Variants in RBBP5 observed in about 807,000 individuals in gnomAD.
The protein encoded by RBBP5 is retinoblastoma-binding protein 5.
In RBBP5, 5 loss-of-function variants were observed where a neutral mutation model predicts 72.2. That is an observed-to-expected ratio of 0.07 (90% CI 0.04 to 0.15). RBBP5 has a LOEUF of 0.15. Ranked by LOEUF, RBBP5 falls within the 10% of genes least tolerant of loss-of-function variation. RBBP5 has a pLI of 1.00. For missense variants in RBBP5, 322 were observed against 652.2 expected (o/e 0.49, Z 5.51); for synonymous variants, 209 against 237.2 (o/e 0.88, Z 1.09).
chr1:205,114,208 C>G lies in RBBP5; in HGVS notation c.218+581G>C, dbSNP rs754665148. On this transcript the variant is annotated intron_variant, in intron 3 of 13. Transcript: ENST00000264515. Reference sequence around the variant, plus strand: ...TTAGACAAAAGGAGATAGACTTAACCTTGATCTGATTAGGTCCTTTTGTTG... The same window carrying G: ...TTAGACAAAAGGAGATAGACTTAACGTTGATCTGATTAGGTCCTTTTGTTG... 7.9e-4 allele frequency among the ~76,000 whole-genome samples: 121 copies of G among 152,272 alleles called. No homozygotes were observed. The Middle Eastern group carries it at 0.01, about 13-fold the overall frequency.
At chr1:205,115,964 T>A (rs146967336) in intron 1 of RBBP5, 81 bp from the exon 2 acceptor site, 1 of 1,612,752 alleles carries the variant, frequency 6.2e-7, no homozygotes. Flanking sequence ...TGTATAGCAG[T>A]GGCTGACAAA....
chr1:205,115,576 C>G (rs1237186443), intron 2 of RBBP5, among the ~76,000 whole-genome samples: 2 of 152,158 alleles, frequency 1.3e-5, no homozygotes, highest in Non-Finnish European at 2.9e-5. Flanking sequence ...AAGCACAAAC[C>G]TATGATGGTG....
At chr1:205,107,445 G>C (rs927613218) in intron 3 of RBBP5, among the ~76,000 whole-genome samples, 4 of 152,110 alleles carry the variant, frequency 2.6e-5, no homozygotes, top group African/African-American at 9.7e-5. Flanking sequence ...AAACCATGAA[G>C]GCCAGAAGGA....
intron 10 of RBBP5, 132 bp from the exon 11 acceptor site, chr1:205,097,527 T>C: frequency 1.2e-6 from 1 of 846,378 alleles, no homozygotes; most frequent in South Asian, 1.6e-5. Flanking sequence ...CTTCACTTAA[T>C]CATTTAACAA....
intron 12 of RBBP5, among the ~76,000 whole-genome samples, chr1:205,095,810 CCAAACAGTGTCT>C (rs1655589522): frequency 6.6e-6 from 1 of 152,112 alleles, no homozygotes; most frequent in Admixed American, 6.6e-5. Flanking sequence ...GGTACATATA[CCAAACAGTGTCT>C]GAAACAGAGT....
At chr1:205,109,816 C>A (rs1395200083) in intron 3 of RBBP5, among the ~76,000 whole-genome samples, 1 of 152,080 alleles carries the variant, frequency 6.6e-6, no homozygotes, top group Admixed American at 6.5e-5. Flanking sequence ...TTCCAATGTG[C>A]TAAAGTCTAC....
Position 205,099,886 on chromosome 1 carries a change from A to G in RBBP5, c.906+25T>C. 1 of 1,613,824 alleles carries G rather than the reference A, an allele frequency of 6.2e-7. No individual in the cohort carries two copies. The highest frequency in any genetic ancestry group is 8.5e-7 in the Non-Finnish European group (1 of 1,179,736). ...AGATTTTTTGGATTATGTGACTAAC[A>G]AAAGCAATGTCCTAATGTACTCACA... On this transcript the variant is annotated intron_variant, in intron 8 of 13. Coordinates refer to ENST00000264515, the MANE Select transcript of RBBP5 (RefSeq NM_005057.4). This position sits in a 1 kb window ranked among gnomAD's most constrained non-coding sequence, Gnocchi z 4.7.
intron 6 of RBBP5, 58 bp from the exon 7 acceptor site, chr1:205,100,329 C>T: frequency 6.4e-7 from 1 of 1,571,700 alleles, no homozygotes; most frequent in Non-Finnish European, 8.6e-7. Context: ...CTTAGTACTA[C>T]AAAACGACTA....
intron 13 of RBBP5, among the ~76,000 whole-genome samples, chr1:205,092,862 G>A (rs1485829565): frequency 2.0e-5 from 3 of 152,318 alleles, no homozygotes; most frequent in East Asian, 3.9e-4. Context: ...AATTACAGGC[G>A]TGAGCCTTAT....
At chr1:205,098,382 T>C (rs1437284653) in intron 10 of RBBP5, among the ~76,000 whole-genome samples, 2 of 152,174 alleles carry the variant, frequency 1.3e-5, no homozygotes, top group Non-Finnish European at 2.9e-5. Context: ...TGCATGTATG[T>C]CCTCACTTAG....
chr1:205,115,661 T>C lies in RBBP5; in HGVS notation c.45+197A>G, dbSNP rs151307065. 3.6e-3 allele frequency among the ~76,000 whole-genome samples: 555 copies of C among 152,342 alleles called. 3 individuals carry two copies. Among genetic ancestry groups the C allele is most frequent in the African/African-American group, 0.013 (533 of 41,586 alleles). On this transcript the variant is annotated intron_variant, in intron 2 of 13. Transcript: ENST00000264515. ...AATGAACTGTAAGATTACAACATCA[T>C]GGTAAGATTTCTAGCCCACATTGCC...
At chr1:205,092,698 G>A (rs891513039) in intron 13 of RBBP5, among the ~76,000 whole-genome samples, 1 of 151,634 alleles carries the variant, frequency 6.6e-6, no homozygotes, top group African/African-American at 2.4e-5. Context: ...TCAAAGTGCT[G>A]GGATTATAGG....
rs1224734542 is a variant in RBBP5 at position 205,087,600 on chromosome 1, G to A, written c.*1187C>T. 2 of 145,266 alleles carry A rather than the reference G, an allele frequency of 1.4e-5. No homozygotes were observed. The highest frequency in any genetic ancestry group is 5.1e-5 in the African/African-American group (2 of 39,074). The allele number at this position is 145,266 out of a possible 1,614,324, so 9.0% of individuals were successfully genotyped here. A position where few individuals can be genotyped will look rare whatever the true frequency, so the allele number is the denominator to read the frequency against. ...AGACGATCCAGATTAAGCACTTCCAGTCAGCTAAAAACGCCACTCAGAGAA... is the reference window on the plus strand; with the variant it reads ...AGACGATCCAGATTAAGCACTTCCAATCAGCTAAAAACGCCACTCAGAGAA... On this transcript the variant is annotated 3_prime_UTR_variant, in exon 14 of 14. Transcript: ENST00000264515.
intron 11 of RBBP5, 86 bp from the exon 12 acceptor site, chr1:205,096,997 A>C: frequency 8.4e-7 from 1 of 1,186,304 alleles, no homozygotes; most frequent in Admixed American, 2.5e-5. Context: ...CACCTATATT[A>C]AGCATAAGCA....
At position 205,110,041 on chromosome 1, in the gene RBBP5, G is replaced by GT. The variant is rs1216901996; in HGVS notation, c.218+4747dup. Reference sequence around the variant, plus strand: ...CTACTAGTTCTGTTTTGTTTTTTGGGTTTTTTTTTTCCGAGACAGGGTCTC... The same window carrying GT: ...CTACTAGTTCTGTTTTGTTTTTTGGGTTTTTTTTTTTCCGAGACAGGGTCTC... On this transcript the variant is annotated intron_variant, in intron 3 of 13. Transcript: ENST00000264515. Among the ~76,000 whole-genome samples the GT allele has an allele frequency of 5.0e-4, 74 of 148,828 alleles. No homozygotes were observed. The East Asian group carries it at 6.1e-3, about 12-fold the overall frequency.
chr1:205,116,790 G>C (rs1406061547), intron 1 of RBBP5, among the ~76,000 whole-genome samples: 1 of 152,088 alleles, frequency 6.6e-6, no homozygotes, highest in African/African-American at 2.4e-5. Context: ...CTCCAACCTG[G>C]GCGACAGAAC....
intron 3 of RBBP5, among the ~76,000 whole-genome samples, chr1:205,108,885 A>C (rs1656188759): frequency 1.3e-5 from 2 of 152,218 alleles, no homozygotes; most frequent in African/African-American, 4.8e-5. Context: ...AATTTAATAC[A>C]TACAGAATTC....
chr1:205,092,123 T>C (rs1655371689), intron 13 of RBBP5, among the ~76,000 whole-genome samples: 1 of 152,150 alleles, frequency 6.6e-6, no homozygotes, highest in Non-Finnish European at 1.5e-5. Context: ...AAAAACATGA[T>C]AGGTTGCCCT....
chr1:205,090,596 C>T (rs1049570272), intron 13 of RBBP5, among the ~76,000 whole-genome samples: 12 of 152,168 alleles, frequency 7.9e-5, no homozygotes, highest in African/African-American at 2.2e-4. Context: ...AAAGACCTGA[C>T]GCAGCAACTG....
Sources: allele counts gnomAD v4.1 joint callset (sites outside exome capture counted in the v4.1 genomes callset), GRCh38; gene constraint gnomAD v4.1.1; non-coding constraint Gnocchi (gnomAD v3.1); transcripts MANE v1.5; gene names NCBI Gene and HGNC (gene_info 2026-07-23, HGNC 2026-07-21).